Variants in SNAPC1 observed in about 807,000 individuals in gnomAD.
The protein encoded by SNAPC1 is snRNA-activating protein complex subunit 1.
Under a neutral mutation model 50.1 loss-of-function variants are expected in SNAPC1, and 42 were observed. The observed-to-expected ratio is 0.84, with a 90% CI of 0.65 to 1.08. The LOEUF (loss-of-function observed/expected upper bound fraction) is 1.08. SNAPC1 is among the 50% of genes least tolerant of loss of function. SNAPC1 has a pLI of 0.00. For missense variants in SNAPC1, 477 were observed against 427.3 expected, an observed-to-expected ratio of 1.12 and a Z score of -1.02; for synonymous variants, 164 against 144.2, an observed-to-expected ratio of 1.14 and a Z score of -0.98.
chr14:61,782,515 T>A, intron 8 of SNAPC1, 118 bp downstream of exon 8: 1 of 675,380 alleles, frequency 1.5e-6, no homozygotes, highest in Non-Finnish European at 2.4e-6. Flanking sequence ...AACATTTTTG[T>A]GAGATTTAAT....
chr14:61,771,261 A>C (rs1040631349), intron 4 of SNAPC1, among the ~76,000 whole-genome samples: 3 of 152,174 alleles, frequency 2.0e-5, no homozygotes, highest in African/African-American at 7.2e-5. Flanking sequence ...AAACATTTTT[A>C]ATTATTATTT....
rs2044964181 is a variant in SNAPC1 at position 61,768,368 on chromosome 14, A to G, written c.430-268A>G. On this transcript the variant is annotated intron_variant, in intron 3 of 9. Coordinates refer to ENST00000216294, the MANE Select transcript of SNAPC1 (RefSeq NM_003082.4). ...TGGTAATTGAGACACTAGGTTGAAG[A>G]GCACTAGTTCTGGTTCTGCCATTAG... 2.0e-5 allele frequency among the ~76,000 whole-genome samples: 3 copies of G among 152,328 alleles called. 1 individual carries two copies. The South Asian group carries it at 6.2e-4, about 32-fold the overall frequency.
At chr14:61,775,410 C>A (rs766691431) in intron 4 of SNAPC1, among the ~76,000 whole-genome samples, 22 of 152,096 alleles carry the variant, frequency 1.4e-4, no homozygotes, top group Non-Finnish European at 2.6e-4. Flanking sequence ...CGCCCACCCC[C>A]ATACCCGGCT....
In SNAPC1 at chr14:61,762,422, A is replaced by AG; in HGVS notation, c.-37dup. On this transcript the variant is annotated 5_prime_UTR_variant, in exon 1 of 10. Transcript: ENST00000216294. ...CGACCACCGCTGGCTAGTCCGTTAG[A>AG]GGCGTGCGGGCTTCGGAGGCGTGCG... 2 of 1,603,332 alleles carry AG rather than the reference A, an allele frequency of 1.2e-6. No individual in the cohort carries two copies. The highest frequency in any genetic ancestry group is 1.7e-4 in the Middle Eastern group (1 of 5,750).
At chr14:61,787,968 A>T (rs986275722) in intron 8 of SNAPC1, among the ~76,000 whole-genome samples, 4 of 152,204 alleles carry the variant, frequency 2.6e-5, no homozygotes, top group African/African-American at 7.2e-5. Context: ...GTGGTTGGGG[A>T]ACAAAGGAGG....
intron 8 of SNAPC1, among the ~76,000 whole-genome samples, chr14:61,789,608 G>C (rs2045138451): frequency 6.6e-6 from 1 of 152,212 alleles, no homozygotes. Context: ...GACAAGTAGA[G>C]GGGCTGGTGT....
At chr14:61,774,716 T>C (rs2045022224) in intron 4 of SNAPC1, among the ~76,000 whole-genome samples, 1 of 141,322 alleles carries the variant, frequency 7.1e-6, no homozygotes, top group South Asian at 2.2e-4. Context: ...CAGGCTGGAG[T>C]GCAATGGTGC....
At chr14:61,775,617 G>GC (rs1300692048) in intron 4 of SNAPC1, among the ~76,000 whole-genome samples, 1 of 152,168 alleles carries the variant, frequency 6.6e-6, no homozygotes, top group Admixed American at 6.5e-5. Flanking sequence ...ATGGGAACAG[G>GC]CACATACGTT....
intron 4 of SNAPC1, among the ~76,000 whole-genome samples, chr14:61,774,002 C>T (rs2045015270): frequency 6.6e-6 from 1 of 152,118 alleles, no homozygotes; most frequent in African/African-American, 2.4e-5. Flanking sequence ...AGCCATCGTG[C>T]ACGGCCCCCA....
Position 61,774,651 on chromosome 14 carries a change from T to TC in SNAPC1, c.535-1444_535-1443insC, listed in dbSNP as rs1266081266. Among the ~76,000 whole-genome samples the TC allele has an allele frequency of 4.2e-3, 380 of 90,052 alleles. 33 individuals carry two copies. The highest frequency in any genetic ancestry group is 0.015 in the African/African-American group (307 of 20,348). 59.1% of individuals were successfully genotyped at this position (90,052 alleles called of 152,430 possible). On this transcript the variant is annotated intron_variant, in intron 4 of 9. Coordinates refer to ENST00000216294, the MANE Select transcript of SNAPC1 (RefSeq NM_003082.4). ...CACCACTATTGATCAGTTTCTCATT[T>TC]TTTTTTTTTTTTTTTTTTTTTTTTT... is the stretch of plus-strand genomic sequence containing the variant.
At chr14:61,774,773 C>T (rs2045022623) in intron 4 of SNAPC1, among the ~76,000 whole-genome samples, 1 of 148,704 alleles carries the variant, frequency 6.7e-6, no homozygotes, top group African/African-American at 2.5e-5. Flanking sequence ...CAGTGATTCT[C>T]CTGCCTCAGC....
At chr14:61,784,930 A>T (rs1236064220) in intron 8 of SNAPC1, among the ~76,000 whole-genome samples, 1 of 152,232 alleles carries the variant, frequency 6.6e-6, no homozygotes, top group Non-Finnish European at 1.5e-5. Flanking sequence ...GAATGATTTT[A>T]TGCCTAAAAA....
intron 3 of SNAPC1, among the ~76,000 whole-genome samples, chr14:61,768,275 C>T (rs2044963502): frequency 6.6e-6 from 1 of 152,024 alleles, no homozygotes; most frequent in African/African-American, 2.4e-5. Flanking sequence ...GAAAGACGTA[C>T]AAAATTGTTA....
chr14:61,776,073 G>T, intron 4 of SNAPC1, 22 bp from the exon 5 acceptor site: 1 of 1,559,024 alleles, frequency 6.4e-7, no homozygotes, highest in South Asian at 1.2e-5. Context: ...AAGAAATAAA[G>T]GACTCATCTT....
chr14:61,790,015 G>A (rs1033193569), intron 8 of SNAPC1, among the ~76,000 whole-genome samples: 2 of 152,162 alleles, frequency 1.3e-5, no homozygotes, highest in East Asian at 1.9e-4. Context: ...GAGCAAATAC[G>A]GAGACTAGTG....
chr14:61,785,793 A>G (rs1396584273), intron 8 of SNAPC1, among the ~76,000 whole-genome samples: 2 of 152,196 alleles, frequency 1.3e-5, no homozygotes, highest in African/African-American at 4.8e-5. Flanking sequence ...CTCTGGCTCA[A>G]TGAATCTGCA....
At chr14:61,791,214 G>T (rs1299202652) in intron 8 of SNAPC1, among the ~76,000 whole-genome samples, 1 of 151,998 alleles carries the variant, frequency 6.6e-6, no homozygotes, top group Non-Finnish European at 1.5e-5. Context: ...GTTTCACCAT[G>T]TTGGCCAGAC....
intron 7 of SNAPC1, among the ~76,000 whole-genome samples, chr14:61,779,601 A>G (rs191651303): frequency 2.2e-4 from 33 of 150,926 alleles, no homozygotes; most frequent in African/African-American, 2.4e-5. Flanking sequence ...ACAGGATGCA[A>G]TAACTTTTTC....
chr14:61,765,947 A>G (rs2044945349), intron 1 of SNAPC1, among the ~76,000 whole-genome samples: 1 of 152,220 alleles, frequency 6.6e-6, no homozygotes, highest in South Asian at 2.1e-4. Flanking sequence ...TCGCAAGGAC[A>G]GAGGAGATTT....
Sources: gnomAD v4.1 joint callset for allele counts (sites outside exome capture counted in the v4.1 genomes callset) on GRCh38, gnomAD v4.1.1 for gene constraint, MANE v1.5 for transcripts, NCBI Gene and HGNC (gene_info 2026-07-23, HGNC 2026-07-21) for gene names.